Variants in LGALSL observed in about 807,000 individuals in gnomAD.
The protein encoded by LGALSL is galectin like.
Under a neutral mutation model 19.5 loss-of-function variants are expected in LGALSL, and 13 were observed. The ratio of observed to expected loss-of-function variants is 0.67; its 90% CI spans 0.43 to 1.06. The LOEUF (loss-of-function observed/expected upper bound fraction) is 1.06. Ranked by LOEUF, LGALSL falls within the 50% of genes least tolerant of loss-of-function variation. The pLI is 0.00. For missense variants in LGALSL, 189 were observed against 219.3 expected (o/e 0.86, Z 0.87); for synonymous variants, 86 against 78.3 (o/e 1.10, Z -0.52).
chr2:64,458,900 T>C lies in LGALSL; in HGVS notation c.*472T>C, dbSNP rs1203882694. 1.3e-5 allele frequency: 2 copies of C among 152,818 alleles called. No individual in the cohort carries two copies. Among genetic ancestry groups the C allele is most frequent in the South Asian group, 2.1e-4 (1 of 4,842 alleles). The allele number at this position is 152,818 out of a possible 1,614,324, so 9.5% of individuals were successfully genotyped here. The stretch of plus-strand genomic sequence containing the variant: ...TTTTTTTTGTTTTTTGTTTTTGTTT[T>C]TGTTTTTGTTTTGCACAGCATAATG... On this transcript the variant is annotated 3_prime_UTR_variant, in exon 5 of 5. Transcript: ENST00000238875.
chr2:64,455,993 A>G (rs1686729312), intron 3 of LGALSL, among the ~76,000 whole-genome samples: 1 of 151,870 alleles, frequency 6.6e-6, no homozygotes, highest in African/African-American at 2.4e-5. Context: ...CAAGATGAAT[A>G]AGAACCCAAC....
chr2:64,458,495 T>A lies in LGALSL; in HGVS notation c.*67T>A. On this transcript the variant is annotated 3_prime_UTR_variant, in exon 5 of 5. Coordinates refer to ENST00000238875, the MANE Select transcript of LGALSL (RefSeq NM_014181.3). The stretch of plus-strand genomic sequence containing the variant: ...TATCTGACTGTTGGTCTGGAAGAAG[T>A]GTCCTAGCAAGATCTGGAGACTTAA... 6.8e-7 allele frequency: 1 copy of A among 1,463,196 alleles called. No homozygotes were observed. Among genetic ancestry groups the A allele is most frequent in the Non-Finnish European group, 9.3e-7 (1 of 1,070,792 alleles). The allele number at this position is 1,463,196 out of a possible 1,614,324, so 90.6% of individuals were successfully genotyped here.
intron 4 of LGALSL, 130 bp downstream of exon 4, chr2:64,456,595 A>G (rs1686740703): frequency 3.1e-6 from 2 of 643,314 alleles, no homozygotes; most frequent in Non-Finnish European, 5.0e-6. Flanking sequence ...CCCAATGGTG[A>G]AAAAAAAAGA....
rs970773994 is a variant in LGALSL, at chr2:64,454,816, G to C, written c.36+235G>C. 6.6e-5 allele frequency among the ~76,000 whole-genome samples: 10 copies of C among 151,854 alleles called. No homozygotes were observed. The highest frequency in any genetic ancestry group is 1.2e-4 in the Non-Finnish European group (8 of 67,928). On this transcript the variant is annotated intron_variant, in intron 1 of 4. Transcript: ENST00000238875. This position sits in a 1 kb window ranked among gnomAD's most constrained non-coding sequence, Gnocchi z 5.1. ...GGGGAGGGAGTTTGGGGAGGATGGCGGGTAGGGACGCCCGACAGCCCCCTC... is the reference window on the plus strand; with the variant it reads ...GGGGAGGGAGTTTGGGGAGGATGGCCGGTAGGGACGCCCGACAGCCCCCTC...
chr2:64,457,431 A>T (rs1054361936), intron 4 of LGALSL, among the ~76,000 whole-genome samples: 2 of 151,956 alleles, frequency 1.3e-5, no homozygotes, highest in East Asian at 1.9e-4. Context: ...CAAAAAAAAA[A>T]AAAATAAAGG....
Position 64,454,571 on chromosome 2 carries a change from A to T in LGALSL, c.26A>T (p.Asp9Val). ...ATGGCGGGATCAGTGGCCGACAGCG[A>T]TGCCGTGGTGGTGAGTGTGGCAGGG... MAGSVADS[D>V]AVVKLDDGHL... Residue 9 changes from aspartate to valine, a missense_variant, in exon 1 of 5, where the codon GAT becomes GTT. Asp to Val is a radical substitution (Grantham distance 152, BLOSUM62 -3). Coordinates refer to ENST00000238875, the MANE Select transcript of LGALSL (RefSeq NM_014181.3). This position sits in a 1 kb window ranked among gnomAD's most constrained non-coding sequence, Gnocchi z 5.1. The T allele has an allele frequency of 6.9e-7, 1 of 1,452,070 alleles. No individual in the cohort carries two copies. The highest frequency in any genetic ancestry group is 9.1e-7 in the Non-Finnish European group (1 of 1,099,640). 89.9% of individuals were successfully genotyped at this position (1,452,070 alleles called of 1,614,324 possible). A position where few individuals can be genotyped will look rare whatever the true frequency, so the allele number is the denominator to read the frequency against.
chr2:64,455,413 C>G lies in LGALSL; in HGVS notation c.106C>G (p.Leu36Val). The change falls in exon 2 of 5, where the codon CTG becomes GTG. Residue 36 changes from leucine (L) to valine (V), a missense_variant and splice_region_variant. Transcript: ENST00000238875. ...TCAAGCGGACGTGTACTTCCCACGA[C>G]TGGTAAATGATTTTGCTCTGTGTCT... The part of the protein sequence containing the change: ...PVQADVYFPR[L>V]IVPFCGHIKG... 1 of 1,611,438 alleles carries G rather than the reference C, an allele frequency of 6.2e-7. No homozygotes were observed. Among genetic ancestry groups the G allele is most frequent in the Non-Finnish European group, 8.5e-7 (1 of 1,177,532 alleles).
chr2:64,455,185 G>A (rs1261553633), intron 1 of LGALSL, among the ~76,000 whole-genome samples, 159 bp from the exon 2 acceptor site: 3 of 152,182 alleles, frequency 2.0e-5, no homozygotes, highest in Non-Finnish European at 4.4e-5. Flanking sequence ...GTTTTGTTCG[G>A]GGGTGATGAG....
At position 64,460,384 on chromosome 2, in the gene LGALSL, G is replaced by T. The variant is rs1686806052; in HGVS notation, c.*1956G>T. The T allele has an allele frequency of 6.6e-6, 1 of 152,134 alleles. No individual in the cohort carries two copies. The highest frequency in any genetic ancestry group is 2.4e-5 in the African/African-American group (1 of 41,412). The allele number at this position is 152,134 out of a possible 1,614,324, so 9.4% of individuals were successfully genotyped here. ...GTCCCTAAATTTGAGAGACTTAAAGGGCACCTTGAAATACATTTGTGGAGT... is the reference window on the plus strand; with the variant it reads ...GTCCCTAAATTTGAGAGACTTAAAGTGCACCTTGAAATACATTTGTGGAGT... On this transcript the variant is annotated 3_prime_UTR_variant, in exon 5 of 5. Transcript: ENST00000238875.
At chr2:64,458,145 C>A in intron 4 of LGALSL, 140 bp from the exon 5 acceptor site, 3 of 739,860 alleles carry the variant, frequency 4.1e-6, no homozygotes, top group Non-Finnish European at 6.7e-6. Flanking sequence ...TGTGTTCTAA[C>A]AAGCCCTCTG....
In LGALSL at chr2:64,454,372, C is replaced by A. The variant is rs1462206015; in HGVS notation, c.-174C>A. 8 of 389,138 alleles carry A rather than the reference C, an allele frequency of 2.1e-5. No homozygotes were observed. Among genetic ancestry groups the A allele is most frequent in the Non-Finnish European group, 3.6e-5 (8 of 221,708 alleles). 24.1% of individuals were successfully genotyped at this position (389,138 alleles called of 1,614,324 possible). A position where few individuals can be genotyped will look rare whatever the true frequency, so the allele number is the denominator to read the frequency against. ...CTCCCTCCCCTCCCCTCCTCCCAGG[C>A]TCTGCCTGCCAGGTCGGCGCCGGGC... On this transcript the variant is annotated 5_prime_UTR_variant, in exon 1 of 5. Transcript: ENST00000238875. The surrounding 1 kb of genome is among the most constrained non-coding windows in gnomAD (Gnocchi z 5.1).
At chr2:64,456,833 G>A (rs1032929222) in intron 4 of LGALSL, among the ~76,000 whole-genome samples, 1 of 152,198 alleles carries the variant, frequency 6.6e-6, no homozygotes, top group African/African-American at 2.4e-5. Context: ...ATAAGGTTGA[G>A]AGCTAATAAG....
Position 64,454,544 on chromosome 2 carries a change from A to G in LGALSL, c.-2A>G. 1 of 1,443,150 alleles carries G rather than the reference A, an allele frequency of 6.9e-7. No individual in the cohort carries two copies. The highest frequency in any genetic ancestry group is 9.1e-7 in the Non-Finnish European group (1 of 1,093,962). 89.4% of individuals were successfully genotyped at this position (1,443,150 alleles called of 1,614,324 possible). On this transcript the variant is annotated 5_prime_UTR_variant, in exon 1 of 5. Transcript: ENST00000238875. The surrounding 1 kb of genome is among the most constrained non-coding windows in gnomAD (Gnocchi z 5.1). ...ACGTACCCCGCCGCGCCGGGCAAGAAGATGGCGGGATCAGTGGCCGACAGC... is the reference window on the plus strand; with the variant it reads ...ACGTACCCCGCCGCGCCGGGCAAGAGGATGGCGGGATCAGTGGCCGACAGC...
In LGALSL at chr2:64,454,813, G is replaced by A. The variant is rs1686705447; in HGVS notation, c.36+232G>A. ...GCTGGGGAGGGAGTTTGGGGAGGAT[G>A]GCGGGTAGGGACGCCCGACAGCCCC... On this transcript the variant is annotated intron_variant, in intron 1 of 4. Coordinates refer to ENST00000238875, the MANE Select transcript of LGALSL (RefSeq NM_014181.3). The surrounding 1 kb of genome is among the most constrained non-coding windows in gnomAD (Gnocchi z 5.1). Among the ~76,000 whole-genome samples the A allele has an allele frequency of 6.6e-6, 1 of 151,756 alleles. No homozygotes were observed. Among genetic ancestry groups the A allele is most frequent in the African/African-American group, 2.4e-5 (1 of 41,298 alleles).
Position 64,458,529 on chromosome 2 carries a change from C to A in LGALSL, c.*101C>A. 1 of 1,238,754 alleles carries A rather than the reference C, an allele frequency of 8.1e-7. No individual in the cohort carries two copies. Among genetic ancestry groups the A allele is most frequent in the Non-Finnish European group, 1.1e-6 (1 of 900,202 alleles). The allele number at this position is 1,238,754 out of a possible 1,614,324, so 76.7% of individuals were successfully genotyped here. On this transcript the variant is annotated 3_prime_UTR_variant, in exon 5 of 5. Coordinates refer to ENST00000238875, the MANE Select transcript of LGALSL (RefSeq NM_014181.3). Reference sequence around the variant, plus strand: ...AAGATCTGGAGACTTAAAAAGAAAACAAAAACAAATGGCAAGTTTCACTTA... The same window carrying A: ...AAGATCTGGAGACTTAAAAAGAAAAAAAAAACAAATGGCAAGTTTCACTTA...
In LGALSL at chr2:64,455,649, A is replaced by T. The variant is rs541480785; in HGVS notation, c.169A>T (p.Met57Leu). 7 of 1,613,884 alleles carry T rather than the reference A, an allele frequency of 4.3e-6. No homozygotes were observed. The highest frequency in any genetic ancestry group is 1.1e-5 in the South Asian group (1 of 91,078). The change falls in exon 3 of 5, where the codon ATG becomes TTG. Residue 57 changes from methionine to leucine, a missense_variant. Physicochemically the swap from Met to Leu is conservative, Grantham distance 15 (BLOSUM62 2). Transcript: ENST00000238875. ...GMRPGKKVLV[M>L]GIVDLNPESF... is the part of the protein sequence containing the mutation. ...GAGACCAGGCAAGAAGGTGTTAGTG[A>T]TGGGCATCGTAGACCTCAACCCAGA...
At chr2:64,458,165 A>C (rs536335118) in intron 4 of LGALSL, 120 bp from the exon 5 acceptor site, 1 of 905,634 alleles carries the variant, frequency 1.1e-6, no homozygotes, top group Non-Finnish European at 1.7e-6. Context: ...GCAGGTCTCA[A>C]TGCATTCTGA....
In LGALSL at chr2:64,454,657, TG is replaced by T; in HGVS notation, c.36+80del. On this transcript the variant is annotated intron_variant, in intron 1 of 4. Coordinates refer to ENST00000238875, the MANE Select transcript of LGALSL (RefSeq NM_014181.3). This position sits in a 1 kb window ranked among gnomAD's most constrained non-coding sequence, Gnocchi z 5.1. ...CCGCCGCCGCCTGCTCCAGCAGTGC[TG>T]GGGTGCTGAGCAGCCGCAGGCCCGG... 2 of 1,087,198 alleles carry T rather than the reference TG, an allele frequency of 1.8e-6. No homozygotes were observed. The highest frequency in any genetic ancestry group is 3.5e-5 in the South Asian group (1 of 28,784). The allele number at this position is 1,087,198 out of a possible 1,614,324, so 67.3% of individuals were successfully genotyped here.
rs1382035558 is a variant in LGALSL at position 64,454,408 on chromosome 2, CGCGCGCGCGCCCCCTCGTGTGT to C, written c.-129_-108del. 26 of 381,394 alleles carry C rather than the reference CGCGCGCGCGCCCCCTCGTGTGT, an allele frequency of 6.8e-5. 1 individual carries two copies. In the Admixed American group the frequency reaches 9.1e-4, roughly 13 times the overall value. 23.6% of individuals were successfully genotyped at this position (381,394 alleles called of 1,614,324 possible). ...AGGTCGGCGCCGGGCCCCGGGCGCG[CGCGCGCGCGCCCCCTCGTGTGT>C]GCGCGCGCCCGCCGCCAGCTCGGAC... On this transcript the variant is annotated 5_prime_UTR_variant, in exon 1 of 5. Coordinates refer to ENST00000238875, the MANE Select transcript of LGALSL (RefSeq NM_014181.3). The surrounding 1 kb of genome is among the most constrained non-coding windows in gnomAD (Gnocchi z 5.1).
Sources: allele counts gnomAD v4.1 joint callset (sites outside exome capture counted in the v4.1 genomes callset), GRCh38; gene constraint gnomAD v4.1.1; non-coding constraint Gnocchi (gnomAD v3.1); transcripts MANE v1.5; gene names NCBI Gene and HGNC (gene_info 2026-07-23, HGNC 2026-07-21).